Variants in LDB2 observed in about 807,000 individuals in gnomAD.
LDB2 encodes LIM domain-binding protein 2.
LDB2 carries 12 observed loss-of-function variants against 44.3 expected under a neutral mutation model. That is an observed-to-expected ratio of 0.27 (90% CI 0.17 to 0.44). LDB2 has a LOEUF of 0.44. Ranked by LOEUF, LDB2 falls within the 20% of genes least tolerant of loss-of-function variation. The pLI is 1.00. For missense variants in LDB2, 344 were observed against 473.5 expected (o/e 0.73, Z 2.54); for synonymous variants, 164 against 174.8 (o/e 0.94, Z 0.49).
intron 1 of LDB2, among the ~76,000 whole-genome samples, chr4:16,761,924 C>T (rs1768011458): frequency 6.6e-6 from 1 of 152,042 alleles, no homozygotes; most frequent in Admixed American, 6.5e-5. Flanking sequence ...GGATAGATCA[C>T]CTGAGGGTCA....
chr4:16,635,888 GT>G (rs1560711274), intron 2 of LDB2, among the ~76,000 whole-genome samples: 1 of 152,144 alleles, frequency 6.6e-6, no homozygotes, highest in African/African-American at 2.4e-5. Flanking sequence ...TAGGTGAAAT[GT>G]AAGAGCTTTG....
chr4:16,560,242 C>T (rs1028908685), intron 5 of LDB2, among the ~76,000 whole-genome samples: 3 of 152,088 alleles, frequency 2.0e-5, no homozygotes, highest in Non-Finnish European at 2.9e-5. Flanking sequence ...GAAATAGTGA[C>T]ACCAAAAACC....
chr4:16,668,093 TA>T (rs1307132637), intron 2 of LDB2, among the ~76,000 whole-genome samples: 4 of 152,186 alleles, frequency 2.6e-5, no homozygotes, highest in Admixed American at 1.3e-4. Flanking sequence ...AATAGAAAGT[TA>T]AAATGCATTT....
intron 2 of LDB2, among the ~76,000 whole-genome samples, chr4:16,697,249 C>T (rs1289432107): frequency 4.1e-5 from 5 of 123,252 alleles, no homozygotes; most frequent in African/African-American, 6.1e-5. Flanking sequence ...ACGGTGAAAC[C>T]CCGTCTCTAC....
At position 16,898,341 on chromosome 4, in the gene LDB2, T is replaced by C. The variant is rs1487735272; in HGVS notation, c.132+13A>G. The C allele has an allele frequency of 6.2e-7, 1 of 1,609,784 alleles. No individual in the cohort carries two copies. The highest frequency in any genetic ancestry group is 2.2e-5 in the East Asian group (1 of 44,664). ...AAAATACACAAACACATCCCCAAGG[T>C]TGAAGTACTTACCTCTGTGCGAGAC... On this transcript the variant is annotated intron_variant, in intron 1 of 7. Transcript: ENST00000304523.
chr4:16,560,420 C>A (rs538253673), intron 5 of LDB2, among the ~76,000 whole-genome samples: 38 of 152,282 alleles, frequency 2.5e-4, no homozygotes, highest in African/African-American at 8.9e-4. Context: ...AAACTACCAT[C>A]AGAGAATAGT....
intron 2 of LDB2, among the ~76,000 whole-genome samples, chr4:16,674,648 T>A (rs928130091): frequency 1.3e-5 from 2 of 152,206 alleles, no homozygotes; most frequent in African/African-American, 4.8e-5. Flanking sequence ...CACTGGTCCG[T>A]CTGCTCCCCA....
At chr4:16,724,574 G>A (rs181664667) in intron 2 of LDB2, among the ~76,000 whole-genome samples, 1 of 152,090 alleles carries the variant, frequency 6.6e-6, no homozygotes, top group African/African-American at 2.4e-5. Context: ...ACTGGGCTAT[G>A]GTAAATCTAT....
At chr4:16,557,871 T>C (rs1740355870) in intron 5 of LDB2, among the ~76,000 whole-genome samples, 2 of 152,072 alleles carry the variant, frequency 1.3e-5, no homozygotes, top group Admixed American at 6.5e-5. Context: ...AGACAAAACT[T>C]CCAGAGGAAC....
At chr4:16,711,978 A>G (rs1755972318) in intron 2 of LDB2, among the ~76,000 whole-genome samples, 1 of 152,242 alleles carries the variant, frequency 6.6e-6, no homozygotes, top group African/African-American at 2.4e-5. Flanking sequence ...GAACTTTTAG[A>G]AGATAACATA....
At chr4:16,825,188 T>C (rs956844467) in intron 1 of LDB2, among the ~76,000 whole-genome samples, 12 of 152,190 alleles carry the variant, frequency 7.9e-5, no homozygotes, top group African/African-American at 2.9e-4. Flanking sequence ...TTTCATAGTA[T>C]AATGAGACCT....
chr4:16,613,177 T>A (rs4698155), intron 2 of LDB2, among the ~76,000 whole-genome samples: 58,212 of 151,960 alleles, frequency 0.38, 11,285 homozygotes, highest in East Asian at 0.56. Context: ...CATGTTAAAA[T>A]CTCTCAATAA....
chr4:16,595,148 G>A (rs951417116), intron 3 of LDB2, among the ~76,000 whole-genome samples: 1 of 152,026 alleles, frequency 6.6e-6, no homozygotes, highest in African/African-American at 2.4e-5. Context: ...GTGATAATCC[G>A]ATCCTGACAC....
At chr4:16,554,071 A>G (rs118028818) in intron 5 of LDB2, among the ~76,000 whole-genome samples, 3,628 of 140,640 alleles carry the variant, frequency 0.026, 218 homozygotes, top group East Asian at 0.25. Flanking sequence ...TTTTTTTGAG[A>G]TGGAGTTTCG....
chr4:16,642,234 A>G (rs1735398912), intron 2 of LDB2, among the ~76,000 whole-genome samples: 2 of 152,182 alleles, frequency 1.3e-5, no homozygotes, highest in African/African-American at 2.4e-5. Flanking sequence ...TCATGCCTAC[A>G]TTACTGAGCT....
rs543827094 is a variant in LDB2 at position 16,601,793 on chromosome 4, T to C, written c.236-5918A>G. On this transcript the variant is annotated intron_variant, in intron 2 of 7. Transcript: ENST00000304523. ...CAAGAGTCATTAAACTTTAAACTTA[T>C]CTGTATTCAGAAATCAGTAAATGCA... Among the ~76,000 whole-genome samples the C allele has an allele frequency of 3.9e-5, 6 of 152,294 alleles. No homozygotes were observed. The South Asian group carries it at 1.0e-3, about 26-fold the overall frequency.
At chr4:16,502,961 A>G (rs1412662614) in intron 7 of LDB2, 88 bp from the exon 8 acceptor site, 1 of 1,602,918 alleles carries the variant, frequency 6.2e-7, no homozygotes, top group East Asian at 2.2e-5. Context: ...CGGGGAATCT[A>G]GGACAGACAC....
chr4:16,772,800 C>A, intron 1 of LDB2, among the ~76,000 whole-genome samples: 1 of 152,070 alleles, frequency 6.6e-6, no homozygotes, highest in Non-Finnish European at 1.5e-5. Flanking sequence ...CTGATATGTC[C>A]ACCGGAAAGA....
chr4:16,702,908 C>T (rs1394764774), intron 2 of LDB2, among the ~76,000 whole-genome samples: 2 of 152,204 alleles, frequency 1.3e-5, no homozygotes, highest in African/African-American at 4.8e-5. Flanking sequence ...TCTCTCTACC[C>T]TCATCCATGC....
Sources: allele counts gnomAD v4.1 joint callset (sites outside exome capture counted in the v4.1 genomes callset), GRCh38; gene constraint gnomAD v4.1.1; transcripts MANE v1.5; gene names NCBI Gene and HGNC (gene_info 2026-07-23, HGNC 2026-07-21).